SPAG16: variants seen among roughly 807,000 people sequenced by gnomAD.
SPAG16 encodes sperm-associated antigen 16 protein.
A neutral mutation model predicts 80.4 loss-of-function variants in SPAG16; 86 were observed. That is an observed-to-expected ratio of 1.07 (90% CI 0.90 to 1.28). The LOEUF (loss-of-function observed/expected upper bound fraction) is 1.28, where lower values mean the gene tolerates loss of function less well. Among genes scored for constraint, SPAG16 ranks in the 50% most tolerant of loss-of-function variants. The pLI is 0.00. For synonymous variants in SPAG16, 294 were observed against 265.9 expected, an observed-to-expected ratio of 1.11 and a Z score of -1.03; for missense variants, 870 against 765.3, an observed-to-expected ratio of 1.14 and a Z score of -1.61.
intron 9 of SPAG16, among the ~76,000 whole-genome samples, chr2:213,472,547 A>G (rs1340211061): frequency 1.3e-5 from 2 of 152,150 alleles, no homozygotes; most frequent in Non-Finnish European, 2.9e-5. Context: ...TCAATTTACT[A>G]TTTTTCTAGG....
chr2:213,448,217 A>C (rs1421536416), intron 9 of SPAG16, among the ~76,000 whole-genome samples: 1 of 152,258 alleles, frequency 6.6e-6, no homozygotes, highest in African/African-American at 2.4e-5. Flanking sequence ...GTGCAATTGG[A>C]ATACTTCTGA....
At chr2:213,926,012 T>G (rs2078457811) in intron 11 of SPAG16, among the ~76,000 whole-genome samples, 1 of 152,172 alleles carries the variant, frequency 6.6e-6, no homozygotes, top group Non-Finnish European at 1.5e-5. Context: ...ACATTTTTCT[T>G]TCCAAACATG....
chr2:214,046,499 C>T (rs1177918316), intron 13 of SPAG16, among the ~76,000 whole-genome samples: 2 of 152,194 alleles, frequency 1.3e-5, no homozygotes, highest in African/African-American at 4.8e-5. Context: ...AAGATTATTC[C>T]TCATGAACAA....
intron 5 of SPAG16, among the ~76,000 whole-genome samples, chr2:213,337,258 A>G (rs537898817): frequency 1.3e-5 from 2 of 152,356 alleles, no homozygotes; most frequent in African/African-American, 4.8e-5. Flanking sequence ...ACTCATGACG[A>G]TGAGAAAGAA....
chr2:214,288,170 T>C (rs1257768255), intron 15 of SPAG16, among the ~76,000 whole-genome samples: 1 of 151,454 alleles, frequency 6.6e-6, no homozygotes, highest in Non-Finnish European at 1.5e-5. Context: ...TGAAAACATA[T>C]AGTATCTGTT....
chr2:213,589,655 C>T (rs1301532014), intron 10 of SPAG16, among the ~76,000 whole-genome samples: 1 of 152,124 alleles, frequency 6.6e-6, no homozygotes, highest in African/African-American at 2.4e-5. Context: ...GGCGTGATGG[C>T]TCACACCTGT....
intron 10 of SPAG16, among the ~76,000 whole-genome samples, chr2:213,557,043 A>G (rs971086970): frequency 2.6e-5 from 4 of 152,166 alleles, no homozygotes; most frequent in Non-Finnish European, 4.4e-5. Flanking sequence ...TGCTTGGAAT[A>G]TGCTCAAATT....
chr2:213,867,961 A>G (rs2075769834), intron 11 of SPAG16, among the ~76,000 whole-genome samples: 1 of 149,368 alleles, frequency 6.7e-6, no homozygotes, highest in Admixed American at 6.7e-5. Context: ...GATAGCTCAA[A>G]CGTTGTTATA....
chr2:213,967,112 A>G (rs1039738970), intron 12 of SPAG16, among the ~76,000 whole-genome samples: 3 of 152,198 alleles, frequency 2.0e-5, no homozygotes, highest in Admixed American at 1.3e-4. Flanking sequence ...CATGATTTCT[A>G]TGATTTCTTC....
At chr2:214,174,334 T>G (rs1356960595) in intron 15 of SPAG16, among the ~76,000 whole-genome samples, 4 of 151,930 alleles carry the variant, frequency 2.6e-5, no homozygotes, top group Non-Finnish European at 5.9e-5. Context: ...GAAAACCCCA[T>G]TGTCTCAGCC....
At chr2:213,727,557 G>A (rs1227421187) in intron 10 of SPAG16, among the ~76,000 whole-genome samples, 1 of 152,134 alleles carries the variant, frequency 6.6e-6, no homozygotes, top group Non-Finnish European at 1.5e-5. Flanking sequence ...AAGGAGAACT[G>A]GTACAAAGGC....
chr2:213,809,699 T>C (rs1181138066), intron 10 of SPAG16, among the ~76,000 whole-genome samples: 1 of 151,922 alleles, frequency 6.6e-6, no homozygotes, highest in Non-Finnish European at 1.5e-5. Context: ...TAAGAAAAAG[T>C]GAAAAGATTG....
chr2:213,810,796 T>C (rs1181336177), intron 10 of SPAG16, among the ~76,000 whole-genome samples: 1 of 152,192 alleles, frequency 6.6e-6, no homozygotes, highest in Non-Finnish European at 1.5e-5. Context: ...CTAAGTTATT[T>C]GGTTGCAGAA....
intron 9 of SPAG16, among the ~76,000 whole-genome samples, chr2:213,377,206 G>A (rs1046228789): frequency 6.6e-6 from 1 of 152,154 alleles, no homozygotes; most frequent in East Asian, 1.9e-4. Context: ...TTAGAGGATA[G>A]CAATAATTGC....
At chr2:214,052,508 T>G (rs1464762907) in intron 13 of SPAG16, among the ~76,000 whole-genome samples, 1 of 152,214 alleles carries the variant, frequency 6.6e-6, no homozygotes, top group Non-Finnish European at 1.5e-5. Context: ...AGCCACAGAC[T>G]CCACTGTTGA....
chr2:213,827,211 C>A (rs2073356878), intron 10 of SPAG16, among the ~76,000 whole-genome samples: 1 of 151,732 alleles, frequency 6.6e-6, no homozygotes, highest in Non-Finnish European at 1.5e-5. Context: ...CCTACTCTGG[C>A]CATTTTGTTT....
intron 10 of SPAG16, among the ~76,000 whole-genome samples, chr2:213,808,828 T>A (rs945296434): frequency 2.6e-5 from 4 of 152,278 alleles, no homozygotes; most frequent in African/African-American, 9.6e-5. Flanking sequence ...TGATCTAAGA[T>A]CCTTGTTGAG....
rs180777686 is a variant in SPAG16 at position 214,275,002 on chromosome 2, A to G, written c.1720+125736A>G. On this transcript the variant is annotated intron_variant, in intron 15 of 15. Coordinates refer to ENST00000331683, the MANE Select transcript of SPAG16 (RefSeq NM_024532.5). The stretch of plus-strand genomic sequence containing the variant: ...TGTGATTGGTGTATTCAGAGATTCA[A>G]CTTCTTCCTGGTTTAGTGTTGGGAG... 1.5e-3 allele frequency among the ~76,000 whole-genome samples: 226 copies of G among 152,170 alleles called. 2 individuals carry two copies. Among genetic ancestry groups the G allele is most frequent in the Non-Finnish European group, 1.0e-3 (71 of 67,994 alleles).
chr2:213,431,480 C>G (rs982272319), intron 9 of SPAG16, among the ~76,000 whole-genome samples: 2 of 150,108 alleles, frequency 1.3e-5, no homozygotes, highest in African/African-American at 5.0e-5. Context: ...ATAACACATA[C>G]ATTAAATCAG....
Sources: gnomAD v4.1 joint callset for allele counts (sites outside exome capture counted in the v4.1 genomes callset) on GRCh38, gnomAD v4.1.1 for gene constraint, MANE v1.5 for transcripts, NCBI Gene and HGNC (gene_info 2026-07-23, HGNC 2026-07-21) for gene names.